Variants in SPNS2 observed in about 807,000 individuals in gnomAD.
The protein encoded by SPNS2 is SPNS lysolipid transporter 2, sphingosine-1-phosphate.
Under a neutral mutation model 57.6 loss-of-function variants are expected in SPNS2, and 37 were observed. That is an observed-to-expected ratio of 0.64 (90% CI 0.49 to 0.85). The LOEUF is 0.85. Among genes scored for constraint, SPNS2 ranks in the 40% least tolerant of loss-of-function variants. SPNS2 has a pLI of 0.00. For synonymous variants in SPNS2, 440 were observed against 346.9 expected (o/e 1.27, Z -2.98); for missense variants, 831 against 779.1 (o/e 1.07, Z -0.79).
intron 2 of SPNS2, among the ~76,000 whole-genome samples, chr17:4,518,510 G>A (rs1325704691): frequency 2.0e-5 from 3 of 152,162 alleles, no homozygotes; most frequent in Non-Finnish European, 4.4e-5. Context: ...GCGACAGAGC[G>A]AGACTCCGTC....
intron 3 of SPNS2, among the ~76,000 whole-genome samples, chr17:4,528,486 A>C (rs1013304880): frequency 6.6e-6 from 1 of 151,712 alleles, no homozygotes; most frequent in African/African-American, 2.4e-5. Flanking sequence ...ATTTTGAGAC[A>C]GAGTTTCGCT....
In SPNS2 at chr17:4,513,097, G is replaced by A. The variant is rs377324366; in HGVS notation, c.371-150G>A. 675 of 794,066 alleles carry A rather than the reference G, an allele frequency of 8.5e-4. 8 individuals carry two copies. In the South Asian group the frequency reaches 0.011, roughly 13 times the overall value. The allele number at this position is 794,066 out of a possible 1,614,324, so 49.2% of individuals were successfully genotyped here. A position where few individuals can be genotyped will look rare whatever the true frequency, so the allele number is the denominator to read the frequency against. ...CCGGGGAGGCAGGAGGGAAGCCTGGGAAACCTGGGCAGGGTAGAGGTCGCA... is the reference window on the plus strand; with the variant it reads ...CCGGGGAGGCAGGAGGGAAGCCTGGAAAACCTGGGCAGGGTAGAGGTCGCA... On this transcript the variant is annotated intron_variant, in intron 1 of 12. Transcript: ENST00000329078.
At chr17:4,523,831 C>T (rs1470820840) in intron 2 of SPNS2, among the ~76,000 whole-genome samples, 1 of 152,228 alleles carries the variant, frequency 6.6e-6, no homozygotes, top group Non-Finnish European at 1.5e-5. Context: ...GTAGCACTTG[C>T]CACCATCTGA....
chr17:4,514,506 A>G (rs1408450021), intron 2 of SPNS2, among the ~76,000 whole-genome samples: 5 of 152,224 alleles, frequency 3.3e-5, no homozygotes, highest in African/African-American at 1.2e-4. Flanking sequence ...CTGTCCTTAC[A>G]GCCCAGATGG....
intron 12 of SPNS2, 148 bp from the exon 13 acceptor site, chr17:4,537,305 G>A: frequency 2.3e-6 from 1 of 430,558 alleles, no homozygotes; most frequent in South Asian, 2.0e-5. Flanking sequence ...GGGAGTTATA[G>A]CTTCCCAGCA....
At position 4,536,237 on chromosome 17, in the gene SPNS2, T is replaced by C. The variant is rs1076072; in HGVS notation, c.1444-26T>C. The C allele has an allele frequency of 0.69, 1,108,712 of 1,608,198 alleles. 385,665 individuals carry two copies. The highest frequency in any genetic ancestry group is 0.97 in the East Asian group (43,479 of 44,796). On this transcript the variant is annotated intron_variant, in intron 10 of 12. Coordinates refer to ENST00000329078, the MANE Select transcript of SPNS2 (RefSeq NM_001124758.3). Reference sequence around the variant, plus strand: ...GGGGGACTGCAGGAGGGCTCTGCCCTGACATCCACCCCCAAATCCTCGCAG... The same window carrying C: ...GGGGGACTGCAGGAGGGCTCTGCCCCGACATCCACCCCCAAATCCTCGCAG...
At position 4,538,547 on chromosome 17, in the gene SPNS2, C is replaced by T. The variant is rs553577459; in HGVS notation, c.*1099C>T. ...ATGCAGCTGCCAACTTCACACCAGC[C>T]CCAACCCGCTTTGGGGGAGCTTAGC... is the stretch of plus-strand genomic sequence containing the variant. On this transcript the variant is annotated 3_prime_UTR_variant, in exon 13 of 13. Coordinates refer to ENST00000329078, the MANE Select transcript of SPNS2 (RefSeq NM_001124758.3). 1.2e-5 allele frequency: 4 copies of T among 337,898 alleles called. No homozygotes were observed. In the East Asian group the frequency reaches 2.6e-4, roughly 22 times the overall value. 20.9% of individuals were successfully genotyped at this position (337,898 alleles called of 1,614,324 possible).
chr17:4,503,498 C>T lies in SPNS2; in HGVS notation c.370+4081C>T, dbSNP rs560192853. On this transcript the variant is annotated intron_variant, in intron 1 of 12. Transcript: ENST00000329078. The stretch of plus-strand genomic sequence containing the variant: ...CTCTGCTTCCTGGTGCCAGAGCCAC[C>T]TCTGCCACCCAGGCTGCCATTCTTA... Among the ~76,000 whole-genome samples the T allele has an allele frequency of 3.5e-4, 54 of 152,350 alleles. 1 individual carries two copies. Among genetic ancestry groups the T allele is most frequent in the South Asian group, 1.9e-3 (9 of 4,826 alleles).
chr17:4,536,523 CAGACCTCCCATGCA>C, intron 11 of SPNS2, 97 bp downstream of exon 11: 1 of 1,386,164 alleles, frequency 7.2e-7, no homozygotes, highest in African/African-American at 1.4e-5. Context: ...GGGGAGGGTA[CAGACCTCCCATGCA>C]CTCAGTGCAC....
In SPNS2 at chr17:4,534,360, ATGGGAGCACCC is replaced by A. The variant is rs577155377; in HGVS notation, c.1344+514_1344+524del. ...CAGGGGCTTGTGTCCCTGGGTGGGG[ATGGGAGCACCC>A]TGGGAGGAGCCAGGAGTGGAGCTAG... On this transcript the variant is annotated intron_variant, in intron 9 of 12. Transcript: ENST00000329078. 4.7e-4 allele frequency: 91 copies of A among 191,776 alleles called. 2 individuals carry two copies. In the South Asian group the frequency reaches 9.9e-3, roughly 21 times the overall value. The allele number at this position is 191,776 out of a possible 1,614,324, so 11.9% of individuals were successfully genotyped here. A position where few individuals can be genotyped will look rare whatever the true frequency, so the allele number is the denominator to read the frequency against.
Position 4,516,316 on chromosome 17 carries a change from C to CAAA in SPNS2, c.436+3029_436+3031dup, listed in dbSNP as rs67710825. Among the ~76,000 whole-genome samples the CAAA allele has an allele frequency of 7.3e-4, 49 of 67,470 alleles. 5 individuals are homozygous for CAAA. Among genetic ancestry groups the CAAA allele is most frequent in the African/African-American group, 3.0e-3 (40 of 13,464 alleles). 44.3% of individuals were successfully genotyped at this position (67,470 alleles called of 152,430 possible). ...GTGACAGAGTGAGACTCTATCTCCC[C>CAAA]AAAAAAAAAAAAAAAAAAAAAAAAA... On this transcript the variant is annotated intron_variant, in intron 2 of 12. Transcript: ENST00000329078.
chr17:4,499,364 C>A lies in SPNS2; in HGVS notation c.317C>A (p.Ala106Asp), dbSNP rs756006868. The A allele has an allele frequency of 1.4e-6, 2 of 1,424,882 alleles. No individual in the cohort carries two copies. Among genetic ancestry groups the A allele is most frequent in the African/African-American group, 1.5e-5 (1 of 66,992 alleles). 88.3% of individuals were successfully genotyped at this position (1,424,882 alleles called of 1,614,324 possible). The change falls in exon 1 of 13, where the codon GCC becomes GAC. Residue 106 changes from alanine (A) to aspartate (D), a missense_variant. Physicochemically the swap from Ala to Asp is moderately radical, Grantham distance 126 (BLOSUM62 -2). Around this residue, in one of 2 missense-constraint regions of SPNS2, gnomAD observed 305 missense variants for 378.3 expected, o/e 0.81. Coordinates refer to ENST00000329078, the MANE Select transcript of SPNS2 (RefSeq NM_001124758.3). The surrounding 1 kb of genome is among the most constrained non-coding windows in gnomAD (Gnocchi z 5.2). Reference protein sequence around the residue: ...SLGRGRGAAAAILSLGNVLNY... With the variant: ...SLGRGRGAAADILSLGNVLNY... The stretch of plus-strand genomic sequence containing the variant: ...GGCCGCGGGCGGGGGGCAGCCGCCG[C>A]CATCCTCAGCTTGGGCAACGTGCTC...
chr17:4,522,917 G>A (rs1043355229), intron 2 of SPNS2, among the ~76,000 whole-genome samples: 1 of 152,190 alleles, frequency 6.6e-6, no homozygotes, highest in African/African-American at 2.4e-5. Context: ...GCCAGGTCAC[G>A]GCCTTTGTTC....
chr17:4,513,288 C>A lies in SPNS2; in HGVS notation c.412C>A (p.Arg138=), dbSNP rs745543940. 1.2e-6 allele frequency: 2 copies of A among 1,613,888 alleles called. No individual in the cohort carries two copies. Among genetic ancestry groups the A allele is most frequent in the African/African-American group, 2.7e-5 (2 of 74,924 alleles). The change falls in exon 2 of 13, where the codon CGA becomes AGA. Residue 138 remains arginine, a synonymous_variant. Transcript: ENST00000329078. The stretch of plus-strand genomic sequence containing the variant: ...CCAGCAGCACTTTGGGGTCAAGGAC[C>A]GAGGCGCCGGCCTGCTGCAGTCAGG... The part of the protein sequence containing the change: ...DIQQHFGVKD[R]GAGLLQSVFI...
At chr17:4,518,502 G>T (rs1175045687) in intron 2 of SPNS2, among the ~76,000 whole-genome samples, 1 of 152,204 alleles carries the variant, frequency 6.6e-6, no homozygotes, top group African/African-American at 2.4e-5. Context: ...CAGCCTGGGC[G>T]ACAGAGCGAG....
Position 4,533,233 on chromosome 17 carries a change from G to C in SPNS2, c.1089-10G>C. 6.3e-7 allele frequency: 1 copy of C among 1,592,012 alleles called. No individual in the cohort carries two copies. Among genetic ancestry groups the C allele is most frequent in the East Asian group, 2.2e-5 (1 of 44,484 alleles). On this transcript the variant is annotated splice_polypyrimidine_tract_variant and intron_variant, in intron 7 of 12. Coordinates refer to ENST00000329078, the MANE Select transcript of SPNS2 (RefSeq NM_001124758.3). ...CTCAACTCGTGCGCCACCATCCTCT[G>C]TCCCCACAGCCTCATCTTTGGGGCC...
rs532537546 is a variant in SPNS2, at chr17:4,511,884, C to T, written c.371-1363C>T. ...CGTTCCAGCCTCCCCACTCCTTCCACACCCCCAGTCCCAGCTGCCAGCAGG... is the reference window on the plus strand; with the variant it reads ...CGTTCCAGCCTCCCCACTCCTTCCATACCCCCAGTCCCAGCTGCCAGCAGG... On this transcript the variant is annotated intron_variant, in intron 1 of 12. Coordinates refer to ENST00000329078, the MANE Select transcript of SPNS2 (RefSeq NM_001124758.3). The surrounding 1 kb of genome is among the most constrained non-coding windows in gnomAD (Gnocchi z 4.6). 1.4e-4 allele frequency among the ~76,000 whole-genome samples: 21 copies of T among 152,170 alleles called. No individual in the cohort carries two copies. The highest frequency in any genetic ancestry group is 2.9e-4 in the Non-Finnish European group (20 of 68,024).
chr17:4,500,161 A>G (rs1597356398), intron 1 of SPNS2, among the ~76,000 whole-genome samples: 1 of 152,296 alleles, frequency 6.6e-6, no homozygotes, highest in Middle Eastern at 3.4e-3. Context: ...CCTCATCCTC[A>G]GGGAGCATCT....
At chr17:4,507,091 C>T (rs750364542) in intron 1 of SPNS2, among the ~76,000 whole-genome samples, 33 of 152,300 alleles carry the variant, frequency 2.2e-4, no homozygotes, top group African/African-American at 7.5e-4. Context: ...CCAGCGGGGC[C>T]GGGCTGTGGG....
Sources: gnomAD v4.1 joint callset for allele counts (sites outside exome capture counted in the v4.1 genomes callset) on GRCh38, gnomAD v4.1.1 for gene constraint, gnomAD v4.1.1 regional missense constraint, Gnocchi (gnomAD v3.1) non-coding constraint, MANE v1.5 for transcripts, NCBI Gene and HGNC (gene_info 2026-07-23, HGNC 2026-07-21) for gene names.